Variants in AGBL1 observed in about 807,000 individuals in gnomAD.
AGBL1 encodes the protein AGBL carboxypeptidase 1.
In AGBL1, 130 loss-of-function variants were observed where a neutral mutation model predicts 118.9. The ratio of observed to expected loss-of-function variants is 1.09; its 90% CI spans 0.95 to 1.26. The LOEUF is 1.26. Among genes scored for constraint, AGBL1 ranks in the 50% most tolerant of loss-of-function variants. The probability of loss-of-function intolerance (pLI) is 0.00; values close to 1 mark genes in which losing one functional copy is unlikely to be tolerated. For synonymous variants in AGBL1, 555 were observed against 478.9 expected, an observed-to-expected ratio of 1.16 and a Z score of -2.08; for missense variants, 1,584 against 1,298.1, an observed-to-expected ratio of 1.22 and a Z score of -3.38.
chr15:86,584,750 A>T (rs890902461), intron 21 of AGBL1, among the ~76,000 whole-genome samples: 1 of 152,142 alleles, frequency 6.6e-6, no homozygotes, highest in African/African-American at 2.4e-5. Context: ...GAAATAGCAT[A>T]GAATATGTTG....
intron 15 of AGBL1, among the ~76,000 whole-genome samples, chr15:86,278,386 G>T (rs575351931): frequency 1.3e-5 from 2 of 152,158 alleles, no homozygotes; most frequent in Non-Finnish European, 2.9e-5. Flanking sequence ...GGAAGATAAA[G>T]GTATCAGGCC....
chr15:86,460,759 T>G (rs537702574), intron 18 of AGBL1, among the ~76,000 whole-genome samples: 11 of 152,322 alleles, frequency 7.2e-5, no homozygotes, highest in African/African-American at 2.6e-4. Flanking sequence ...TAAATGCTTG[T>G]CTCTGATTTC....
chr15:86,807,874 T>C (rs147285261), intron 22 of AGBL1, among the ~76,000 whole-genome samples: 1,611 of 152,262 alleles, frequency 0.011, 23 homozygotes, highest in Middle Eastern at 0.061. Flanking sequence ...AAAACAAGTG[T>C]TATAGCTGCT....
At chr15:86,780,556 C>T (rs2078321332) in intron 22 of AGBL1, among the ~76,000 whole-genome samples, 1 of 152,030 alleles carries the variant, frequency 6.6e-6, no homozygotes, top group Non-Finnish European at 1.5e-5. Flanking sequence ...CGCATTGAGT[C>T]AGTAGATCAA....
At chr15:86,137,191 A>G (rs2076900344) in intron 1 of AGBL1, among the ~76,000 whole-genome samples, 1 of 152,212 alleles carries the variant, frequency 6.6e-6, no homozygotes, top group South Asian at 2.1e-4. Context: ...GTTTACTTAA[A>G]GTAAAACCAT....
chr15:86,381,219 G>A (rs2081109789), intron 17 of AGBL1, among the ~76,000 whole-genome samples: 1 of 152,030 alleles, frequency 6.6e-6, no homozygotes, highest in Admixed American at 6.5e-5. Flanking sequence ...TGACTCTTTT[G>A]CCATCATTGT....
intron 15 of AGBL1, among the ~76,000 whole-genome samples, chr15:86,277,778 C>A (rs566405498): frequency 5.9e-5 from 9 of 152,286 alleles, no homozygotes; most frequent in Non-Finnish European, 1.3e-4. Flanking sequence ...AGGTGAAGAA[C>A]TGGGGACAGT....
chr15:86,133,259 G>A (rs2076842362), intron 1 of AGBL1, among the ~76,000 whole-genome samples: 1 of 151,984 alleles, frequency 6.6e-6, no homozygotes, highest in Non-Finnish European at 1.5e-5. Context: ...CCTCAACTTT[G>A]CCATAGGACT....
At chr15:86,682,193 A>G (rs921563594) in intron 22 of AGBL1, among the ~76,000 whole-genome samples, 3 of 152,024 alleles carry the variant, frequency 2.0e-5, no homozygotes, top group African/African-American at 4.8e-5. Flanking sequence ...TTGGAATGGA[A>G]CTCCGCCTGG....
At chr15:87,012,986 C>T (rs576184997) in intron 24 of AGBL1, among the ~76,000 whole-genome samples, 11 of 152,178 alleles carry the variant, frequency 7.2e-5, no homozygotes, top group East Asian at 3.9e-4. Flanking sequence ...GTCCTGGATG[C>T]GGTTGCAACA....
intron 22 of AGBL1, among the ~76,000 whole-genome samples, chr15:86,819,878 C>G (rs1336293088): frequency 6.6e-6 from 1 of 151,554 alleles, no homozygotes; most frequent in Non-Finnish European, 1.5e-5. Flanking sequence ...ATCACGCTAC[C>G]TGACTTCAAA....
intron 18 of AGBL1, among the ~76,000 whole-genome samples, chr15:86,434,361 T>C (rs544444472): frequency 6.6e-6 from 1 of 152,312 alleles, no homozygotes; most frequent in African/African-American, 2.4e-5. Flanking sequence ...CTGTAGAGTA[T>C]ATTGTTTAGA....
downstream of AGBL1, among the ~76,000 whole-genome samples, chr15:86,919,021 G>C (rs1020490716): frequency 6.6e-6 from 1 of 152,140 alleles, no homozygotes; most frequent in Non-Finnish European, 1.5e-5. Context: ...GTACTACTTT[G>C]AAGGCTGTGG....
intron 5 of AGBL1, among the ~76,000 whole-genome samples, chr15:86,160,099 GTT>G (rs1162570173): frequency 0.058 from 6,416 of 110,284 alleles, 159 homozygotes; most frequent in African/African-American, 0.13. Context: ...GGGAACTGTG[GTT>G]TTTTTTTTTT....
intron 17 of AGBL1, among the ~76,000 whole-genome samples, chr15:86,374,484 G>A (rs1416612385): frequency 6.6e-6 from 1 of 152,204 alleles, no homozygotes; most frequent in African/African-American, 2.4e-5. Flanking sequence ...TGTATACACT[G>A]CTGGTGATGG....
chr15:86,650,008 T>A (rs75906767), intron 21 of AGBL1, among the ~76,000 whole-genome samples: 2 of 152,260 alleles, frequency 1.3e-5, no homozygotes, highest in South Asian at 2.1e-4. Context: ...CCAAAAAAAA[T>A]TGGGATAAGC....
At chr15:86,254,149 C>G (rs977246654) in intron 7 of AGBL1, among the ~76,000 whole-genome samples, 5 of 152,216 alleles carry the variant, frequency 3.3e-5, no homozygotes, top group Non-Finnish European at 7.3e-5. Flanking sequence ...GGACTCTGCT[C>G]TGCGTAGCAG....
intron 18 of AGBL1, among the ~76,000 whole-genome samples, chr15:86,461,153 G>A (rs2082330366): frequency 6.6e-6 from 1 of 152,112 alleles, no homozygotes; most frequent in Admixed American, 6.6e-5. Flanking sequence ...TATAGCCTGG[G>A]ATCAGGGACT....
chr15:86,555,168 C>G (rs934680491), intron 21 of AGBL1, among the ~76,000 whole-genome samples: 1 of 152,204 alleles, frequency 6.6e-6, no homozygotes, highest in African/African-American at 2.4e-5. Context: ...CTACAGCAGG[C>G]TGTTCTGGCT....
Sources: allele counts gnomAD v4.1 joint callset (sites outside exome capture counted in the v4.1 genomes callset), GRCh38; gene constraint gnomAD v4.1.1; transcripts MANE v1.5; gene names NCBI Gene and HGNC (gene_info 2026-07-23, HGNC 2026-07-21).